Variants in RANBP2 observed in about 807,000 individuals in gnomAD.
The protein encoded by RANBP2 is E3 SUMO-protein ligase RanBP2.
RANBP2 carries 57 observed loss-of-function variants against 303.6 expected under a neutral mutation model. That is an observed-to-expected ratio of 0.19 (90% confidence interval 0.15 to 0.23). The LOEUF (loss-of-function observed/expected upper bound fraction) is 0.23, where lower values mean the gene tolerates loss of function less well. RANBP2 is among the 10% of genes least tolerant of loss of function. RANBP2 has a pLI of 1.00. For missense variants in RANBP2, 3,138 were observed against 3,780.8 expected, an observed-to-expected ratio of 0.83 and a Z score of 4.46; for synonymous variants, 1,167 against 1,301.5, an observed-to-expected ratio of 0.90 and a Z score of 2.23.
the RANBP2 span, among the ~76,000 whole-genome samples, chr2:108,992,216 A>T: frequency 3.9e-5 from 6 of 152,238 alleles, no homozygotes; most frequent in African/African-American, 1.4e-4. Flanking sequence ...GTGTTTATTC[A>T]TGCAGCAAAT....
At chr2:109,615,184 G>C in the RANBP2 span, 1 of 1,548,822 alleles carries the variant, frequency 6.5e-7, no homozygotes, top group Non-Finnish European at 8.7e-7. Flanking sequence ...AGCTCCTCCG[G>C]GGGAGGACGC....
chr2:109,261,798 A>T, the RANBP2 span, among the ~76,000 whole-genome samples: 2 of 151,974 alleles, frequency 1.3e-5, no homozygotes, highest in Middle Eastern at 3.2e-3. Context: ...GAGGTGGGTC[A>T]CCCTACTGGT....
chr2:109,385,366 C>T, the RANBP2 span, among the ~76,000 whole-genome samples: 2 of 152,248 alleles, frequency 1.3e-5, no homozygotes, highest in African/African-American at 2.4e-5. Flanking sequence ...TCCCCTGAGT[C>T]ACCTCCCATG....
At chr2:109,441,132 C>A in the RANBP2 span, among the ~76,000 whole-genome samples, 212 of 133,870 alleles carry the variant, frequency 1.6e-3, no homozygotes, top group Non-Finnish European at 1.7e-3. Flanking sequence ...TATAGGAATA[C>A]AAAAAAAAAA....
At chr2:109,325,756 C>T in the RANBP2 span, among the ~76,000 whole-genome samples, 1 of 152,198 alleles carries the variant, frequency 6.6e-6, no homozygotes, top group Non-Finnish European at 1.5e-5. Flanking sequence ...CTCTACCAGC[C>T]TGGAGTAGTG....
At chr2:109,228,525 C>A in the RANBP2 span, among the ~76,000 whole-genome samples, 12 of 152,254 alleles carry the variant, frequency 7.9e-5, no homozygotes, top group Admixed American at 3.9e-4. Flanking sequence ...CAGTTCTGAC[C>A]CCTTCCATGT....
the RANBP2 span, among the ~76,000 whole-genome samples, chr2:109,457,117 G>A: frequency 3.9e-5 from 6 of 152,216 alleles, no homozygotes; most frequent in African/African-American, 1.2e-4. Context: ...AAATGGGGAC[G>A]ATAGCACCTA....
chr2:108,924,145 A>G, the RANBP2 span, among the ~76,000 whole-genome samples: 1 of 152,220 alleles, frequency 6.6e-6, no homozygotes, highest in East Asian at 1.9e-4. Flanking sequence ...CAAATCATTC[A>G]CAGTAGCTCT....
chr2:109,205,028 T>C, the RANBP2 span, among the ~76,000 whole-genome samples: 1 of 152,240 alleles, frequency 6.6e-6, no homozygotes, highest in African/African-American at 2.4e-5. Context: ...GTCAACATAG[T>C]GATACCCTGT....
At chr2:109,212,116 G>A in the RANBP2 span, among the ~76,000 whole-genome samples, 90 of 152,314 alleles carry the variant, frequency 5.9e-4, 2 homozygotes, top group Middle Eastern at 3.4e-3. Context: ...GCGGCTTGCC[G>A]GGCAATGGTC....
the RANBP2 span, chr2:109,501,493 G>C: frequency 1.3e-6 from 1 of 775,194 alleles, no homozygotes; most frequent in Non-Finnish European, 2.4e-6. Flanking sequence ...CCACTGTGCT[G>C]TTTCCCCAGG....
downstream of RANBP2, among the ~76,000 whole-genome samples, chr2:108,790,658 G>A (rs939655003): frequency 2.6e-5 from 4 of 152,244 alleles, no homozygotes; most frequent in Middle Eastern, 3.4e-3. Flanking sequence ...CCGAGATCGC[G>A]CCACTGCACT....
chr2:109,515,188 T>C, the RANBP2 span, among the ~76,000 whole-genome samples: 20 of 152,154 alleles, frequency 1.3e-4, 1 homozygote, highest in East Asian at 3.7e-3. Flanking sequence ...TCTCCAGGCA[T>C]TGGGAATAGA....
chr2:108,969,456 C>T, the RANBP2 span, among the ~76,000 whole-genome samples: 1 of 152,182 alleles, frequency 6.6e-6, no homozygotes, highest in Non-Finnish European at 1.5e-5. Flanking sequence ...TGGGGCCAGA[C>T]ACCATGCCAG....
At chr2:109,447,147 T>TAAAAAAAAAAAAAAAAAAAAAAAA in the RANBP2 span, among the ~76,000 whole-genome samples, 9 of 82,632 alleles carry the variant, frequency 1.1e-4, no homozygotes, top group Admixed American at 4.1e-4. Context: ...CCTGAATATT[T>TAAAAAAAAAAAAAAAAAAAAAAAA]AAAAAAAAAA....
At chr2:109,327,721 TA>T in the RANBP2 span, among the ~76,000 whole-genome samples, 23 of 152,340 alleles carry the variant, frequency 1.5e-4, no homozygotes, top group African/African-American at 5.3e-4. Context: ...TAGTACCACT[TA>T]AAATAGCAAC....
At chr2:108,793,729 T>C in the RANBP2 span, among the ~76,000 whole-genome samples, 1 of 151,860 alleles carries the variant, frequency 6.6e-6, no homozygotes, top group East Asian at 2.0e-4. Context: ...CCCGAGTAGC[T>C]GGGACTACAG....
At chr2:109,374,818 C>T in the RANBP2 span, among the ~76,000 whole-genome samples, 3 of 152,260 alleles carry the variant, frequency 2.0e-5, no homozygotes, top group African/African-American at 7.2e-5. Context: ...GAGGGACTCT[C>T]ACCTCGCCTG....
At chr2:109,034,440 A>G in the RANBP2 span, among the ~76,000 whole-genome samples, 1 of 152,196 alleles carries the variant, frequency 6.6e-6, no homozygotes, top group African/African-American at 2.4e-5. Context: ...ATGAAAGCAC[A>G]GGGAAGTGAG....
Sources: gnomAD v4.1 joint callset for allele counts (sites outside exome capture counted in the v4.1 genomes callset) on GRCh38, gnomAD v4.1.1 for gene constraint, MANE v1.5 for transcripts, NCBI Gene and HGNC (gene_info 2026-07-23, HGNC 2026-07-21) for gene names.